The following EIF4G1 variants were observed in gnomAD, a reference collection of about 807,000 sequenced individuals.
EIF4G1 encodes the protein EIF4-gamma.
A neutral mutation model predicts 187.8 loss-of-function variants in EIF4G1; 4 were observed. The observed-to-expected ratio is 0.02, with a 90% CI of 0.01 to 0.05. EIF4G1 has a LOEUF of 0.05. Among genes scored for constraint, EIF4G1 ranks in the 10% least tolerant of loss-of-function variants. The pLI, the probability that EIF4G1 is intolerant of heterozygous loss-of-function variation, is 1.00. For missense variants in EIF4G1, 1,647 were observed against 2,081.1 expected, an observed-to-expected ratio of 0.79 and a Z score of 4.06; for synonymous variants, 844 against 781.4, an observed-to-expected ratio of 1.08 and a Z score of -1.34.
rs1726768638 is a variant in EIF4G1, at chr3:184,334,513, G to A, written c.4619-214G>A. Reference sequence around the variant, plus strand: ...AAGGTGAGGCCAAGCAAGTTTGTAAGGTTTTTCTGATGGCCAAGTGACTCA... The same window carrying A: ...AAGGTGAGGCCAAGCAAGTTTGTAAAGTTTTTCTGATGGCCAAGTGACTCA... On this transcript the variant is annotated intron_variant, in intron 32 of 32. Transcript: ENST00000346169. This position sits in a 1 kb window ranked among gnomAD's most constrained non-coding sequence, Gnocchi z 5.8. Among the ~76,000 whole-genome samples the A allele has an allele frequency of 6.6e-6, 1 of 152,188 alleles. No individual in the cohort carries two copies. The highest frequency in any genetic ancestry group is 2.4e-5 in the African/African-American group (1 of 41,440).
At chr3:184,319,868 C>A in intron 7 of EIF4G1, 67 bp downstream of exon 7, 1 of 1,174,116 alleles carries the variant, frequency 8.5e-7, no homozygotes, top group Non-Finnish European at 1.2e-6. Flanking sequence ...GCTGCTGGGA[C>A]ATTGTGCCGG....
chr3:184,335,311 G>C lies in EIF4G1; in HGVS notation c.*403G>C, dbSNP rs189864880. Reference sequence around the variant, plus strand: ...CTGCTGTTGCCTGGGCAGGGGGAAGGGGGGGCACGGTGCCTGTAATTATTA... The same window carrying C: ...CTGCTGTTGCCTGGGCAGGGGGAAGCGGGGGCACGGTGCCTGTAATTATTA... On this transcript the variant is annotated 3_prime_UTR_variant, in exon 33 of 33. Coordinates refer to ENST00000346169, the MANE Select transcript of EIF4G1 (RefSeq NM_198241.3). 778 of 239,118 alleles carry C rather than the reference G, an allele frequency of 3.3e-3. 9 individuals carry two copies. The highest frequency in any genetic ancestry group is 0.017 in the African/African-American group (743 of 44,622). 14.8% of individuals were successfully genotyped at this position (239,118 alleles called of 1,614,324 possible).
At position 184,321,979 on chromosome 3, in the gene EIF4G1, A is replaced by G. The variant is rs953496082; in HGVS notation, c.1395A>G (p.Glu465=). 3 of 1,542,908 alleles carry G rather than the reference A, an allele frequency of 1.9e-6. No homozygotes were observed. In the African/African-American group the frequency reaches 4.1e-5, roughly 21 times the overall value. ...TGGAAGAAGAAGAAGAAGAGGAAGAAGGAGAAGCAGGAGAAGCAGGAGAAG... is the reference window on the plus strand; with the variant it reads ...TGGAAGAAGAAGAAGAAGAGGAAGAGGGAGAAGCAGGAGAAGCAGGAGAAG... The part of the protein sequence containing the change: ...EEMEEEEEEE[E]GEAGEAGEAE... The change falls in exon 10 of 33, where the codon GAA becomes GAG. Residue 465 remains glutamate (E), a synonymous_variant. Coordinates refer to ENST00000346169, the MANE Select transcript of EIF4G1 (RefSeq NM_198241.3).
Position 184,322,747 on chromosome 3 carries a change from G to A in EIF4G1, c.1795+17G>A, listed in dbSNP as rs377175828. ...ATAAGTCAGGTATGCTGAAGAAAGG[G>A]TTGAGAATGGCTTGAGTTTTCTTAT... On this transcript the variant is annotated intron_variant, in intron 12 of 32. Coordinates refer to ENST00000346169, the MANE Select transcript of EIF4G1 (RefSeq NM_198241.3). The A allele has an allele frequency of 1.2e-6, 2 of 1,614,248 alleles. No homozygotes were observed. The highest frequency in any genetic ancestry group is 1.7e-6 in the Non-Finnish European group (2 of 1,180,036).
chr3:184,317,614 C>T, intron 5 of EIF4G1, 103 bp from the exon 6 acceptor site: 1 of 1,534,462 alleles, frequency 6.5e-7, no homozygotes, highest in East Asian at 2.3e-5. Context: ...TGGTCATTGC[C>T]CAGAGTTGGC....
Position 184,323,495 on chromosome 3 carries a change from A to G in EIF4G1, c.2176A>G (p.Lys726Glu), listed in dbSNP as rs767298036. The change falls in exon 15 of 33, where the codon AAA becomes GAA. Residue 726 changes from lysine (K) to glutamate (E), a missense_variant. Lys to Glu is a moderately conservative substitution (Grantham distance 56). Around this residue, in one of 11 missense-constraint regions of EIF4G1, gnomAD observed 140 missense variants for 222.2 expected, o/e 0.63. Coordinates refer to ENST00000346169, the MANE Select transcript of EIF4G1 (RefSeq NM_198241.3). The surrounding 1 kb of genome is among the most constrained non-coding windows in gnomAD (Gnocchi z 6.9). ...IATVLMTEDI[K>E]LNKAEKAWKP... ...CACAGTGTTAATGACCGAAGATATA[A>G]AACTGAACAAAGCAGAGAAAGCCTG... 2 of 1,614,182 alleles carry G rather than the reference A, an allele frequency of 1.2e-6. No homozygotes were observed. The highest frequency in any genetic ancestry group is 2.7e-5 in the African/African-American group (2 of 75,048).
chr3:184,324,033 A>G, intron 16 of EIF4G1, 56 bp downstream of exon 16: 1 of 1,610,548 alleles, frequency 6.2e-7, no homozygotes, highest in Non-Finnish European at 8.5e-7. Flanking sequence ...CCTATTCCCA[A>G]GACTCCTTGA....
intron 7 of EIF4G1, 50 bp from the exon 8 acceptor site, chr3:184,320,580 G>C: frequency 6.2e-7 from 1 of 1,613,694 alleles, no homozygotes; most frequent in Non-Finnish European, 8.5e-7. Flanking sequence ...GCAGGGTGGA[G>C]AGGTGGGCTC....
intron 32 of EIF4G1, among the ~76,000 whole-genome samples, chr3:184,332,550 T>A (rs767712739): frequency 2.0e-5 from 3 of 152,096 alleles, no homozygotes; most frequent in Non-Finnish European, 4.4e-5. Flanking sequence ...GGCATTGGCA[T>A]GCTCACAGAG....
At chr3:184,330,539 T>C (rs907395466) in intron 28 of EIF4G1, among the ~76,000 whole-genome samples, 1 of 152,170 alleles carries the variant, frequency 6.6e-6, no homozygotes, top group Admixed American at 6.5e-5. Flanking sequence ...CTATTGCCCC[T>C]TACAGAAAAT....
At position 184,325,878 on chromosome 3, in the gene EIF4G1, G is replaced by T; in HGVS notation, c.3149G>T (p.Gly1050Val). 6.2e-7 allele frequency: 1 copy of T among 1,614,072 alleles called. No individual in the cohort carries two copies. The highest frequency in any genetic ancestry group is 8.5e-7 in the Non-Finnish European group (1 of 1,180,024). The part of the protein sequence containing the change: ...ISRGLPLVDD[G>V]GWNTVPISKG... ...CGTGGACTTCCCCTTGTGGATGATG[G>T]TGGCTGGAACACAGTTCCCATCAGC... is the stretch of plus-strand genomic sequence containing the variant. Residue 1050 changes from glycine to valine, a missense_variant, in exon 21 of 33, where the codon GGT (glycine) becomes GTT (valine). Coordinates refer to ENST00000346169, the MANE Select transcript of EIF4G1 (RefSeq NM_198241.3). This position sits in a 1 kb window ranked among gnomAD's most constrained non-coding sequence, Gnocchi z 5.2.
chr3:184,320,193 T>A, intron 7 of EIF4G1: 1 of 1,065,924 alleles, frequency 9.4e-7, no homozygotes, highest in Non-Finnish European at 1.2e-6. Flanking sequence ...GCCCTGGGCG[T>A]GGTGCCCAGA....
intron 9 of EIF4G1, 106 bp from the exon 10 acceptor site, chr3:184,321,176 T>C: frequency 6.6e-7 from 1 of 1,526,370 alleles, no homozygotes; most frequent in Non-Finnish European, 9.1e-7. Context: ...GGGGAGAAGA[T>C]GATGCGGGGT....
chr3:184,327,635 C>T lies in EIF4G1; in HGVS notation c.3711C>T (p.Leu1237=), dbSNP rs1725196844. The change falls in exon 25 of 33, where the codon CTC becomes CTT. Residue 1237 remains leucine, a synonymous_variant. Transcript: ENST00000346169. ...LPPVSPLKAA[L]SEEELEKKSK... ...CAGTGAGCCCCCTGAAGGCGGCTCT[C>T]TCTGAGGAGGAGTTAGAGAAGAAAT... 1.2e-6 allele frequency: 2 copies of T among 1,614,220 alleles called. No individual in the cohort carries two copies. The highest frequency in any genetic ancestry group is 1.3e-5 in the African/African-American group (1 of 75,052).
At chr3:184,326,719 G>A in intron 22 of EIF4G1, 90 bp downstream of exon 22, 3 of 1,533,526 alleles carry the variant, frequency 2.0e-6, no homozygotes, top group Non-Finnish European at 2.7e-6. Flanking sequence ...TTCAGTACAA[G>A]GTGGTTAGGC....
Position 184,323,548 on chromosome 3 carries a change from T to A in EIF4G1, c.2229T>A (p.Ala743=). 1 of 1,614,174 alleles carries A rather than the reference T, an allele frequency of 6.2e-7. No homozygotes were observed. Among genetic ancestry groups the A allele is most frequent in the Non-Finnish European group, 8.5e-7 (1 of 1,180,044 alleles). ...AACCCAGCAGCAAGCGGACGGCGGC[T>A]GATAAGGATCGAGGGGAAGAAGATG... ...AWKPSSKRTA[A]DKDRGEEDAD... is the part of the protein sequence containing the mutation. Residue 743 remains alanine (A), a synonymous_variant, in exon 15 of 33, where the codon GCT becomes GCA. Coordinates refer to ENST00000346169, the MANE Select transcript of EIF4G1 (RefSeq NM_198241.3). This position sits in a 1 kb window ranked among gnomAD's most constrained non-coding sequence, Gnocchi z 6.9.
chr3:184,333,271 T>TTG (rs1577265591), intron 32 of EIF4G1, among the ~76,000 whole-genome samples: 1 of 152,182 alleles, frequency 6.6e-6, no homozygotes, highest in East Asian at 1.9e-4. Context: ...TCAAGTTGAG[T>TTG]TGTGGTCCTT....
Position 184,325,494 on chromosome 3 carries a change from A to G in EIF4G1, c.2976A>G (p.Pro992=), listed in dbSNP as rs112420733. 7,516 of 1,614,146 alleles carry G rather than the reference A, an allele frequency of 4.7e-3. 29 individuals carry two copies. The highest frequency in any genetic ancestry group is 5.6e-3 in the Non-Finnish European group (6,609 of 1,180,044). Residue 992 remains proline, a synonymous_variant, in exon 20 of 33, where the codon CCA becomes CCG. Transcript: ENST00000346169. This position sits in a 1 kb window ranked among gnomAD's most constrained non-coding sequence, Gnocchi z 5.2. The part of the protein sequence containing the change: ...VLDLRGSNWV[P]RRGDQGPKTI... Reference sequence around the variant, plus strand: ...TGTCTCCACAGAGCAATTGGGTGCCACGCCGAGGGGATCAGGGTCCCAAGA... The same window carrying G: ...TGTCTCCACAGAGCAATTGGGTGCCGCGCCGAGGGGATCAGGGTCCCAAGA...
In EIF4G1 at chr3:184,322,741, G is replaced by A; in HGVS notation, c.1795+11G>A. 1.9e-6 allele frequency: 3 copies of A among 1,614,246 alleles called. No homozygotes were observed. Among genetic ancestry groups the A allele is most frequent in the Non-Finnish European group, 2.5e-6 (3 of 1,180,050 alleles). The stretch of plus-strand genomic sequence containing the variant: ...ATGAATATAAGTCAGGTATGCTGAA[G>A]AAAGGGTTGAGAATGGCTTGAGTTT... On this transcript the variant is annotated intron_variant, in intron 12 of 32. Coordinates refer to ENST00000346169, the MANE Select transcript of EIF4G1 (RefSeq NM_198241.3).
Sources: allele counts gnomAD v4.1 joint callset (sites outside exome capture counted in the v4.1 genomes callset), GRCh38; gene constraint gnomAD v4.1.1; regional missense constraint gnomAD v4.1.1; non-coding constraint Gnocchi (gnomAD v3.1); transcripts MANE v1.5; gene names NCBI Gene and HGNC (gene_info 2026-07-23, HGNC 2026-07-21).